Variants in PCDHA2 observed in about 807,000 individuals in gnomAD.
The protein encoded by PCDHA2 is protocadherin alpha-2.
Under a neutral mutation model 66.0 loss-of-function variants are expected in PCDHA2, and 58 were observed. The ratio of observed to expected loss-of-function variants is 0.88; its 90% CI spans 0.71 to 1.09. The LOEUF is 1.09. Ranked by LOEUF, PCDHA2 falls within the 50% of genes least tolerant of loss-of-function variation. The pLI, the probability that PCDHA2 is intolerant of heterozygous loss-of-function variation, is 0.00. For synonymous variants in PCDHA2, 634 were observed against 554.0 expected, an observed-to-expected ratio of 1.14 and a Z score of -2.03; for missense variants, 1,267 against 1,242.3, an observed-to-expected ratio of 1.02 and a Z score of -0.30.
intron 1 of PCDHA2, chr5:140,857,528 G>A: frequency 6.3e-7 from 1 of 1,597,766 alleles, no homozygotes; most frequent in Non-Finnish European, 8.6e-7. Flanking sequence ...CTACTCTCTG[G>A]TGGAGCGGCG....
intron 1 of PCDHA2, chr5:140,928,403 G>A (rs1554205862): frequency 6.2e-7 from 1 of 1,613,964 alleles, no homozygotes; most frequent in Non-Finnish European, 8.5e-7. Context: ...GAATCATCCA[G>A]TGGGGCCATC....
rs200424378 is a variant in PCDHA2 at position 140,795,944 on chromosome 5, C to A, written c.980C>A (p.Thr327Asn). 468 of 1,613,824 alleles carry A rather than the reference C, an allele frequency of 2.9e-4. 1 individual carries two copies. The highest frequency in any genetic ancestry group is 7.6e-5 in the Non-Finnish European group (90 of 1,179,794). ...CAGGTCACTGCAACTGACAAAGGAA[C>A]CCCTTCAATGTCAGGACATTGTAAA... ...EIQVTATDKG[T>N]PSMSGHCKIS... Residue 327 changes from threonine (T) to asparagine (N), a missense_variant, in exon 1 of 4, where the codon ACC becomes AAC. Thr to Asn is a moderately conservative substitution (Grantham distance 65). Transcript: ENST00000526136.
chr5:141,000,395 C>CTCTATAAATA (rs1213762225), intron 3 of PCDHA2, among the ~76,000 whole-genome samples: 2 of 53,986 alleles, frequency 3.7e-5, no homozygotes, highest in African/African-American at 1.5e-4. Flanking sequence ...CTCTCTCTCT[C>CTCTATAAATA]TATATATATA....
At chr5:140,884,941 C>T (rs1326188943) in intron 1 of PCDHA2, among the ~76,000 whole-genome samples, 1 of 152,116 alleles carries the variant, frequency 6.6e-6, no homozygotes, top group Admixed American at 6.5e-5. Context: ...TGCAATTGAG[C>T]ATTTACAAAA....
intron 3 of PCDHA2, among the ~76,000 whole-genome samples, chr5:140,990,571 G>A (rs996259729): frequency 6.6e-6 from 1 of 152,102 alleles, no homozygotes; most frequent in Non-Finnish European, 1.5e-5. Flanking sequence ...ACACCTGTTC[G>A]ATCTCTTTTC....
intron 1 of PCDHA2, among the ~76,000 whole-genome samples, chr5:140,936,326 AT>A: frequency 6.6e-6 from 1 of 152,256 alleles, no homozygotes; most frequent in South Asian, 2.1e-4. Flanking sequence ...CATGCTATAA[AT>A]TTTCTCTATC....
chr5:140,841,274 C>A, intron 1 of PCDHA2: 1 of 1,518,266 alleles, frequency 6.6e-7, no homozygotes. Flanking sequence ...TACAGTCGTT[C>A]ATCTTTATAT....
chr5:140,929,283 G>C lies in PCDHA2; in HGVS notation c.2389-49666G>C, dbSNP rs782178876. On this transcript the variant is annotated intron_variant, in intron 1 of 3. Coordinates refer to ENST00000526136, the MANE Select transcript of PCDHA2 (RefSeq NM_018905.3). ...TGAATTTGCCAATATCCTGTATTCA[G>C]ATTCGGAATAGGAAAGGGGATCACG... 52 of 1,600,904 alleles carry C rather than the reference G, an allele frequency of 3.2e-5. No homozygotes were observed. The African/African-American group carries it at 6.7e-4, about 21-fold the overall frequency.
At chr5:140,869,163 C>T in intron 1 of PCDHA2, 1 of 1,613,910 alleles carries the variant, frequency 6.2e-7, no homozygotes, top group Non-Finnish European at 8.5e-7. Flanking sequence ...GGCTTCTCCT[C>T]CTCGAATTCT....
At chr5:140,966,732 G>A in intron 1 of PCDHA2, 1 of 1,415,600 alleles carries the variant, frequency 7.1e-7, no homozygotes, top group South Asian at 1.6e-5. Flanking sequence ...GCCGCCTCCG[G>A]CCCTGCCCGG....
chr5:140,795,730 G>A lies in PCDHA2; in HGVS notation c.766G>A (p.Ala256Thr), dbSNP rs1554119559. The A allele has an allele frequency of 6.2e-7, 1 of 1,613,926 alleles. No homozygotes were observed. The highest frequency in any genetic ancestry group is 1.3e-5 in the African/African-American group (1 of 74,900). ...VYKVKLLENT[A>T]NGTLVVKLNA... ...CAAAGTAAAATTGTTAGAGAATACG[G>A]CAAATGGGACCTTAGTGGTTAAGTT... Residue 256 changes from alanine (A) to threonine (T), a missense_variant, in exon 1 of 4, where the codon GCA becomes ACA. By Grantham distance (58) the Ala-to-Thr change is moderately conservative. Coordinates refer to ENST00000526136, the MANE Select transcript of PCDHA2 (RefSeq NM_018905.3).
intron 1 of PCDHA2, chr5:140,804,773 A>G (rs1562198444): frequency 3.9e-6 from 1 of 254,778 alleles, no homozygotes; most frequent in Non-Finnish European, 7.4e-6. Flanking sequence ...TTGGACTCCC[A>G]TTTAAGTTTC....
intron 1 of PCDHA2, among the ~76,000 whole-genome samples, chr5:140,969,881 G>C (rs1554232131): frequency 6.6e-6 from 1 of 152,196 alleles, no homozygotes; most frequent in African/African-American, 2.4e-5. Flanking sequence ...CTATGTGATA[G>C]GATCCTCTGG....
intron 1 of PCDHA2, chr5:140,871,653 C>G (rs2053243834): frequency 3.2e-6 from 4 of 1,244,250 alleles, no homozygotes; most frequent in Non-Finnish European, 4.4e-6. Flanking sequence ...CCAAATGATA[C>G]ACATCTTCAG....
intron 1 of PCDHA2, chr5:140,801,080 G>A: frequency 1.3e-6 from 2 of 1,481,496 alleles, no homozygotes; most frequent in Non-Finnish European, 8.9e-7. Flanking sequence ...ATACTGCTTT[G>A]CTTCATCCTC....
At position 140,852,928 on chromosome 5, in the gene PCDHA2, G is replaced by A. The variant is rs2150525567; in HGVS notation, c.2388+55576G>A. 7.3e-5 allele frequency: 48 copies of A among 653,604 alleles called. 1 individual carries two copies. The highest frequency in any genetic ancestry group is 1.3e-4 in the East Asian group (1 of 7,716). 40.5% of individuals were successfully genotyped at this position (653,604 alleles called of 1,614,324 possible). ...GAGTCTCGCTCTGTTGCCCAGGCTG[G>A]AGTGCAGTGGTGCCATCTTGGCTCA... On this transcript the variant is annotated intron_variant, in intron 1 of 3. Transcript: ENST00000526136.
intron 1 of PCDHA2, chr5:140,850,022 A>C: frequency 6.3e-7 from 1 of 1,596,794 alleles, no homozygotes; most frequent in Admixed American, 1.7e-5. Context: ...GCTACGTGTC[A>C]GTGCACGCGG....
intron 1 of PCDHA2, among the ~76,000 whole-genome samples, chr5:140,873,452 C>A (rs147398020): frequency 6.4e-4 from 97 of 152,122 alleles, no homozygotes; most frequent in Non-Finnish European, 1.1e-3. Context: ...AACAAATTTG[C>A]ATTTTAGATA....
chr5:140,807,357 C>A (rs949440782), intron 1 of PCDHA2: 2 of 1,610,572 alleles, frequency 1.2e-6, no homozygotes, highest in Non-Finnish European at 1.7e-6. Context: ...CTGGAGCTGG[C>A]GGAGCTGGTG....
Sources: allele counts gnomAD v4.1 joint callset (sites outside exome capture counted in the v4.1 genomes callset), GRCh38; gene constraint gnomAD v4.1.1; transcripts MANE v1.5; gene names NCBI Gene and HGNC (gene_info 2026-07-23, HGNC 2026-07-21).